DNMT1: variants seen among roughly 807,000 people sequenced by gnomAD.
DNMT1 encodes the protein DNA methyltransferase 1.
In DNMT1, 24 loss-of-function variants were observed where a neutral mutation model predicts 205.3. The observed-to-expected ratio is 0.12, with a 90% CI of 0.08 to 0.16. DNMT1 has a LOEUF of 0.16. Among genes scored for constraint, DNMT1 ranks in the 10% least tolerant of loss-of-function variants. DNMT1 has a pLI of 1.00. For synonymous variants in DNMT1, 817 were observed against 839.8 expected (o/e 0.97, Z 0.47); for missense variants, 1,293 against 2,177.7 (o/e 0.59, Z 8.09).
At chr19:10,152,178 A>AGG in intron 22 of DNMT1, among the ~76,000 whole-genome samples, 1 of 149,060 alleles carries the variant, frequency 6.7e-6, no homozygotes, top group African/African-American at 2.5e-5. Flanking sequence ...AAAAAAAAAA[A>AGG]AAAAAAAAAA....
At chr19:10,155,204 C>T in intron 19 of DNMT1, 148 bp from the exon 20 acceptor site, 1 of 1,122,416 alleles carries the variant, frequency 8.9e-7, no homozygotes, top group Non-Finnish European at 1.3e-6. Flanking sequence ...CACAACACAT[C>T]ATAGCTGGCT....
chr19:10,134,296 G>A lies in DNMT1; in HGVS notation c.4785C>T (p.Ala1595=), dbSNP rs750364214. Residue 1595 remains alanine (A), a synonymous_variant, in exon 40 of 41, where the codon GCC becomes GCT. Transcript: ENST00000359526. ...ILDKHRQVGN[A]VPPPLAKAIG... ...TGGCTTTGGCCAGGGGCGGTGGCAC[G>A]GCATTGCCCACCTGCAGGAGGGGAG... 8.1e-5 allele frequency: 130 copies of A among 1,614,052 alleles called. 1 individual carries two copies. Among genetic ancestry groups the A allele is most frequent in the South Asian group, 6.1e-4 (56 of 91,078 alleles).
chr19:10,142,389 T>C (rs944729989), intron 29 of DNMT1, among the ~76,000 whole-genome samples, 169 bp from the exon 30 acceptor site: 1 of 139,168 alleles, frequency 7.2e-6, no homozygotes, highest in African/African-American at 2.8e-5. Context: ...GGTAAAGATA[T>C]CTCCTCCCCA....
rs913208740 is a variant in DNMT1, at chr19:10,173,182, G to A, written c.684-8C>T. 1 of 1,614,084 alleles carries A rather than the reference G, an allele frequency of 6.2e-7. No individual in the cohort carries two copies. Among genetic ancestry groups the A allele is most frequent in the South Asian group, 1.1e-5 (1 of 91,078 alleles). On this transcript the variant is annotated splice_polypyrimidine_tract_variant and splice_region_variant and intron_variant, in intron 8 of 40. Coordinates refer to ENST00000359526, the MANE Select transcript of DNMT1 (RefSeq NM_001130823.3). ...GGAAGCGGTCTAGCAACTCTGTCAA[G>A]CAAAATAACACAGACCCCAAGTGTG...
chr19:10,165,928 G>A (rs2038682190), intron 11 of DNMT1, among the ~76,000 whole-genome samples: 1 of 152,130 alleles, frequency 6.6e-6, no homozygotes, highest in Admixed American at 6.5e-5. Flanking sequence ...CAGAAGTGAG[G>A]GTGCTTGTCA....
At chr19:10,194,196 T>C (rs1416268202) in intron 1 of DNMT1, among the ~76,000 whole-genome samples, 1 of 152,160 alleles carries the variant, frequency 6.6e-6, no homozygotes, top group East Asian at 1.9e-4. Flanking sequence ...AACATGGACT[T>C]TCCCAAGGAG....
intron 1 of DNMT1, among the ~76,000 whole-genome samples, chr19:10,183,126 T>TATACGTGTGTATATATATATATA (rs200261595): frequency 1.6e-4 from 15 of 90,938 alleles, no homozygotes; most frequent in South Asian, 1.4e-3. Flanking sequence ...TATATATATA[T>TATACGTGTGTATATATATATATA]TTTTTTTTTT....
chr19:10,168,469 A>T, intron 9 of DNMT1, 105 bp from the exon 10 acceptor site: 1 of 1,203,180 alleles, frequency 8.3e-7, no homozygotes, highest in Non-Finnish European at 1.2e-6. Context: ...TCTAGAGTCC[A>T]CTGGTGGGAG....
chr19:10,140,152 C>G lies in DNMT1; in HGVS notation c.3700G>C (p.Glu1234Gln). Residue 1234 changes from glutamate to glutamine, a missense_variant, in exon 33 of 41, where the codon GAG becomes CAG. Transcript: ENST00000359526. This position sits in a 1 kb window ranked among gnomAD's most constrained non-coding sequence, Gnocchi z 8.4. ...CAGGGCGGCCCGCCGCACAGCATCT[C>G]CACGTCTCCCTTCTGGGGCAGCCGC... The part of the protein sequence containing the change: ...GQRLPQKGDV[E>Q]MLCGGPPCQG... The G allele has an allele frequency of 6.2e-7, 1 of 1,613,990 alleles. No homozygotes were observed. Among genetic ancestry groups the G allele is most frequent in the Non-Finnish European group, 8.5e-7 (1 of 1,180,050 alleles).
intron 30 of DNMT1, chr19:10,141,638 G>C: frequency 3.0e-6 from 1 of 335,324 alleles, no homozygotes; most frequent in South Asian, 3.0e-5. Context: ...GCTGGGCCTG[G>C]ACGTAGGCGC....
In DNMT1 at chr19:10,194,902, C is replaced by G; in HGVS notation, c.-3G>C. On this transcript the variant is annotated 5_prime_UTR_variant, in exon 1 of 41. Coordinates refer to ENST00000359526, the MANE Select transcript of DNMT1 (RefSeq NM_001130823.3). ...GCTGGGGCGGTACGCGCCGGCATCT[C>G]GGAGGCTTCAGCAGACGCGGCGGCG... 2 of 1,607,756 alleles carry G rather than the reference C, an allele frequency of 1.2e-6. No individual in the cohort carries two copies. Among genetic ancestry groups the G allele is most frequent in the Non-Finnish European group, 1.7e-6 (2 of 1,177,342 alleles).
rs2038451950 is a variant in DNMT1, at chr19:10,156,107, C to T, written c.1400-162G>A. Among the ~76,000 whole-genome samples the T allele has an allele frequency of 6.6e-6, 1 of 152,160 alleles. No homozygotes were observed. The highest frequency in any genetic ancestry group is 2.4e-5 in the African/African-American group (1 of 41,438). On this transcript the variant is annotated intron_variant, in intron 18 of 40. Transcript: ENST00000359526. The surrounding 1 kb of genome is among the most constrained non-coding windows in gnomAD (Gnocchi z 4.2). ...GCTGCTCCTGGCACAAAGTCTCACA[C>T]CCTAACTTTAAGAGGCAGCAGCAAC...
At chr19:10,173,057 G>T (rs1433533792) in intron 9 of DNMT1, 33 bp downstream of exon 9, 1 of 1,612,832 alleles carries the variant, frequency 6.2e-7, no homozygotes, top group South Asian at 1.1e-5. Flanking sequence ...GATTAAGGGA[G>T]AATTAACAAA....
In DNMT1 at chr19:10,182,036, A is replaced by G; in HGVS notation, c.117+5T>C. Reference sequence around the variant, plus strand: ...TAATAAGAAAAATTTTAAGGTGGAGATTACCTTTTCTGTTAAGCTGTCTCT... The same window carrying G: ...TAATAAGAAAAATTTTAAGGTGGAGGTTACCTTTTCTGTTAAGCTGTCTCT... On this transcript the variant is annotated splice_donor_5th_base_variant and intron_variant, in intron 2 of 40. Transcript: ENST00000359526. The G allele has an allele frequency of 6.2e-7, 1 of 1,612,044 alleles. No individual in the cohort carries two copies. Among genetic ancestry groups the G allele is most frequent in the Middle Eastern group, 1.7e-4 (1 of 6,020 alleles).
Position 10,162,718 on chromosome 19 carries a change from T to A in DNMT1, c.957A>T (p.Glu319Asp), listed in dbSNP as rs1179101598. 4 of 1,613,874 alleles carry A rather than the reference T, an allele frequency of 2.5e-6. No individual in the cohort carries two copies. The highest frequency in any genetic ancestry group is 3.4e-6 in the Non-Finnish European group (4 of 1,180,004). ...LAAKRRPEEKEPEKVNPQISD... is the reference protein window; with the variant it reads ...LAAKRRPEEKDPEKVNPQISD... ...AAATCTGTGGATTTACTTTTTCAGG[T>A]TCTTTTTCTTCGGGCCTCCGTTTGG... Residue 319 changes from glutamate (E) to aspartate (D), a missense_variant, in exon 13 of 41, where the codon GAA (glutamate) becomes GAT (aspartate). By Grantham distance (45) the Glu-to-Asp change is conservative (BLOSUM62 2). This residue lies in a region of DNMT1 where 394 missense variants were observed against 451.6 expected (regional missense o/e 0.87). Coordinates refer to ENST00000359526, the MANE Select transcript of DNMT1 (RefSeq NM_001130823.3).
chr19:10,177,486 T>C, intron 5 of DNMT1, 119 bp from the exon 6 acceptor site: 2 of 965,420 alleles, frequency 2.1e-6, no homozygotes, highest in Admixed American at 2.6e-5. Context: ...TTCTAAGGAC[T>C]AAGCATCTTT....
chr19:10,162,430 C>T (rs909481678), intron 13 of DNMT1, among the ~76,000 whole-genome samples: 2 of 151,060 alleles, frequency 1.3e-5, no homozygotes, highest in Non-Finnish European at 3.0e-5. Context: ...CCACCATGCC[C>T]AGATAATTTT....
At chr19:10,147,262 A>G (rs1353994457) in intron 27 of DNMT1, among the ~76,000 whole-genome samples, 2 of 104,146 alleles carry the variant, frequency 1.9e-5, no homozygotes, top group Non-Finnish European at 4.1e-5. Context: ...ACCCTGTCTC[A>G]GATAAATAAA....
chr19:10,155,787 C>G, intron 19 of DNMT1, 66 bp downstream of exon 19: 3 of 1,526,822 alleles, frequency 2.0e-6, no homozygotes, highest in Non-Finnish European at 2.7e-6. Flanking sequence ...CCCGTCAGCC[C>G]CCAGGAAGGA....
Sources: gnomAD v4.1 joint callset for allele counts (sites outside exome capture counted in the v4.1 genomes callset) on GRCh38, gnomAD v4.1.1 for gene constraint, gnomAD v4.1.1 regional missense constraint, Gnocchi (gnomAD v3.1) non-coding constraint, MANE v1.5 for transcripts, NCBI Gene and HGNC (gene_info 2026-07-23, HGNC 2026-07-21) for gene names.